The following CTNNA3 variants were observed in gnomAD, a reference collection of about 807,000 sequenced individuals.
CTNNA3 encodes catenin alpha-3.
In CTNNA3, 76 loss-of-function variants were observed where a neutral mutation model predicts 95.7. The observed-to-expected ratio is 0.79, with a 90% confidence interval of 0.66 to 0.96. The LOEUF is 0.96. Ranked by LOEUF, CTNNA3 falls within the 40% of genes least tolerant of loss-of-function variation. The pLI, the probability that CTNNA3 is intolerant of heterozygous loss-of-function variation, is 0.00. For synonymous variants in CTNNA3, 431 were observed against 374.4 expected (o/e 1.15, Z -1.74); for missense variants, 1,191 against 1,089.8 (o/e 1.09, Z -1.31).
intron 13 of CTNNA3, among the ~76,000 whole-genome samples, chr10:66,254,073 T>C (rs1350180309): frequency 4.6e-5 from 7 of 152,100 alleles, no homozygotes; most frequent in Non-Finnish European, 1.0e-4. Flanking sequence ...CCCTATATGG[T>C]CCAGGAAAGC....
intron 16 of CTNNA3, among the ~76,000 whole-genome samples, chr10:65,979,896 TAGG>T (rs536868017): frequency 1.7e-4 from 26 of 152,126 alleles, no homozygotes; most frequent in African/African-American, 6.0e-4. Flanking sequence ...TTTTATAAAG[TAGG>T]AGTTCATTAA....
chr10:66,996,649 C>CAAAAAAAAAAAAAAAAAAAAAAAAAA (rs57025097), intron 7 of CTNNA3, among the ~76,000 whole-genome samples: 3 of 67,644 alleles, frequency 4.4e-5, no homozygotes, highest in African/African-American at 5.9e-5. Flanking sequence ...TCCGTCTCTA[C>CAAAAAAAAAAAAAAAAAAAAAAAAAA]AAAAAAAAAA....
intron 11 of CTNNA3, among the ~76,000 whole-genome samples, chr10:66,422,682 C>A (rs79237545): frequency 0.015 from 2,320 of 152,036 alleles, 76 homozygotes; most frequent in African/African-American, 0.054. Flanking sequence ...TTGCAGATAT[C>A]GCTTTGATTT....
At chr10:65,925,883 T>G (rs2077162066) in intron 17 of CTNNA3, among the ~76,000 whole-genome samples, 1 of 152,026 alleles carries the variant, frequency 6.6e-6, no homozygotes, top group African/African-American at 2.4e-5. Context: ...CACTTATCAC[T>G]TCTTAAGCCA....
intron 1 of CTNNA3, among the ~76,000 whole-genome samples, chr10:67,760,493 G>A (rs571649166): frequency 7.2e-5 from 11 of 152,160 alleles, no homozygotes; most frequent in South Asian, 2.1e-4. Context: ...TCATCATTGC[G>A]CAAACATTAT....
intron 7 of CTNNA3, among the ~76,000 whole-genome samples, chr10:66,897,743 T>A (rs1845559334): frequency 6.6e-6 from 1 of 152,150 alleles, no homozygotes; most frequent in South Asian, 2.1e-4. Context: ...GATAAACATA[T>A]GAATTAAAAT....
At chr10:66,882,001 G>C (rs999118052) in intron 7 of CTNNA3, among the ~76,000 whole-genome samples, 2 of 152,088 alleles carry the variant, frequency 1.3e-5, no homozygotes, top group Non-Finnish European at 2.9e-5. Flanking sequence ...TTCTCGAGTT[G>C]TGGAGGAGTG....
intron 5 of CTNNA3, among the ~76,000 whole-genome samples, chr10:67,515,940 A>G (rs1360295704): frequency 2.0e-5 from 3 of 151,952 alleles, no homozygotes; most frequent in Non-Finnish European, 2.9e-5. Context: ...CCAGATACAC[A>G]TGTTCTTTAT....
At chr10:67,057,497 A>G (rs1039783893) in intron 7 of CTNNA3, among the ~76,000 whole-genome samples, 2 of 152,156 alleles carry the variant, frequency 1.3e-5, no homozygotes, top group African/African-American at 4.8e-5. Context: ...GATTGCACAT[A>G]TAAGTGGGAC....
At chr10:66,141,974 G>C (rs910242015) in intron 13 of CTNNA3, among the ~76,000 whole-genome samples, 1 of 152,064 alleles carries the variant, frequency 6.6e-6, no homozygotes, top group Non-Finnish European at 1.5e-5. Flanking sequence ...TTATTCTCTT[G>C]AAAGTGTCTT....
chr10:66,811,200 G>C (rs1448136219), intron 7 of CTNNA3, among the ~76,000 whole-genome samples: 8 of 152,148 alleles, frequency 5.3e-5, no homozygotes, highest in Non-Finnish European at 1.2e-4. Flanking sequence ...AATGATTCTA[G>C]ATAAGGCAAC....
chr10:66,038,211 C>T (rs183641928), intron 15 of CTNNA3, among the ~76,000 whole-genome samples: 1 of 152,238 alleles, frequency 6.6e-6, no homozygotes, highest in African/African-American at 2.4e-5. Context: ...GAAATATTTG[C>T]TTATTAAGGT....
chr10:66,420,721 C>T (rs956860330), intron 11 of CTNNA3, among the ~76,000 whole-genome samples: 2 of 151,870 alleles, frequency 1.3e-5, no homozygotes, highest in African/African-American at 4.8e-5. Flanking sequence ...ATCGCTTGAA[C>T]TGGGGAGGCA....
At chr10:66,949,509 G>A (rs920366094) in intron 7 of CTNNA3, among the ~76,000 whole-genome samples, 10 of 151,276 alleles carry the variant, frequency 6.6e-5, no homozygotes, top group African/African-American at 2.4e-4. Context: ...AGTGAGCCAA[G>A]ATCGCGCCAT....
chr10:66,789,283 TCTC>T (rs1840874776), intron 7 of CTNNA3, among the ~76,000 whole-genome samples: 1 of 152,072 alleles, frequency 6.6e-6, no homozygotes. Context: ...TTCAAGTGCT[TCTC>T]CTGACAGCCT....
intron 11 of CTNNA3, among the ~76,000 whole-genome samples, chr10:66,447,619 G>C (rs551870630): frequency 7.4e-4 from 113 of 152,086 alleles, no homozygotes; most frequent in African/African-American, 2.5e-3. Flanking sequence ...ACTGGCTAGC[G>C]ATATGTAGAA....
chr10:66,301,459 G>T (rs2091862161), intron 12 of CTNNA3, among the ~76,000 whole-genome samples: 1 of 151,410 alleles, frequency 6.6e-6, no homozygotes, highest in African/African-American at 2.4e-5. Flanking sequence ...ATGTATAAAA[G>T]GAATTATATA....
chr10:66,938,575 A>G (rs75667213), intron 7 of CTNNA3, among the ~76,000 whole-genome samples: 1,921 of 152,274 alleles, frequency 0.013, 44 homozygotes, highest in African/African-American at 0.044. Flanking sequence ...TAGAGAAGCG[A>G]TCGGTCTTGC....
intron 9 of CTNNA3, among the ~76,000 whole-genome samples, chr10:66,668,145 A>T (rs1846522186): frequency 6.6e-6 from 1 of 152,160 alleles, no homozygotes; most frequent in African/African-American, 2.4e-5. Flanking sequence ...AGGGTATATT[A>T]AAAGAGTTTC....
Sources: gnomAD v4.1 joint callset for allele counts (sites outside exome capture counted in the v4.1 genomes callset) on GRCh38, gnomAD v4.1.1 for gene constraint, MANE v1.5 for transcripts, NCBI Gene and HGNC (gene_info 2026-07-23, HGNC 2026-07-21) for gene names.